Variants in COXFA4L3 observed in about 807,000 individuals in gnomAD.
COXFA4L3 encodes cytochrome c oxidase associated subunit FA4L3.
the COXFA4L3 span, chr15:45,431,051 T>G: frequency 6.2e-7 from 1 of 1,614,054 alleles, no homozygotes; most frequent in African/African-American, 1.3e-5. Context: ...GAGCCTCATC[T>G]TTCGCTGTGT....
the COXFA4L3 span, among the ~76,000 whole-genome samples, chr15:45,432,558 G>A: frequency 5.2e-4 from 79 of 152,182 alleles, no homozygotes; most frequent in Non-Finnish European, 2.1e-4. Flanking sequence ...CCAGCTACTG[G>A]AGAGGCTGAG....
chr15:45,431,297 A>AC, the COXFA4L3 span: 1,013 of 439,124 alleles, frequency 2.3e-3, 2 homozygotes, highest in African/African-American at 0.019. Context: ...AAAAAAGAAA[A>AC]AATTTAAAAA....
At chr15:45,433,162 A>G in the COXFA4L3 span, 3 of 849,024 alleles carry the variant, frequency 3.5e-6, no homozygotes, top group African/African-American at 5.0e-5. Context: ...CTGGATAAGG[A>G]ATTAAAGGAG....
At chr15:45,433,037 C>T in the COXFA4L3 span, 1 of 1,597,972 alleles carries the variant, frequency 6.3e-7, no homozygotes, top group Non-Finnish European at 8.6e-7. Flanking sequence ...CCTCTTTCTT[C>T]TGAAGAGTAC....
At chr15:45,432,597 G>A in the COXFA4L3 span, among the ~76,000 whole-genome samples, 3 of 152,166 alleles carry the variant, frequency 2.0e-5, no homozygotes, top group South Asian at 2.1e-4. Context: ...CATGGGAGGC[G>A]GAGGCTGCAG....
chr15:45,432,060 C>T, the COXFA4L3 span: 1 of 1,611,620 alleles, frequency 6.2e-7, no homozygotes. Flanking sequence ...AATTGGCTTT[C>T]TTTAATTTTA....
At chr15:45,432,517 T>C in the COXFA4L3 span, among the ~76,000 whole-genome samples, 1 of 152,134 alleles carries the variant, frequency 6.6e-6, no homozygotes, top group Non-Finnish European at 1.5e-5. Flanking sequence ...ATACAAAAAT[T>C]AGCTGGGTGT....
the COXFA4L3 span, among the ~76,000 whole-genome samples, chr15:45,432,382 C>T: frequency 2.5e-3 from 378 of 152,332 alleles, no homozygotes; most frequent in African/African-American, 7.5e-3. Flanking sequence ...ATCTGGATAC[C>T]GGCCAGGCAC....
chr15:45,432,955 C>A, the COXFA4L3 span: 2 of 1,608,962 alleles, frequency 1.2e-6, no homozygotes, highest in Admixed American at 1.7e-5. Context: ...CAGCTTATAA[C>A]AATCAACCAA....
chr15:45,430,721 C>A, the COXFA4L3 span: 1 of 1,439,622 alleles, frequency 6.9e-7, no homozygotes, highest in Non-Finnish European at 9.6e-7. Flanking sequence ...GCGCGGTGGA[C>A]GGTTTGGCGC....
chr15:45,433,156 A>G, the COXFA4L3 span: 3 of 896,186 alleles, frequency 3.3e-6, no homozygotes, highest in South Asian at 2.6e-5. Context: ...TGGGCTCTGG[A>G]TAAGGAATTA....
the COXFA4L3 span, chr15:45,430,612 G>A: frequency 1.3e-5 from 8 of 614,682 alleles, no homozygotes; most frequent in Middle Eastern, 4.3e-4. Flanking sequence ...GGCCCGTTCG[G>A]TTCCGGGCGT....
the COXFA4L3 span, chr15:45,432,949 T>TTA: frequency 1.2e-6 from 2 of 1,612,258 alleles, no homozygotes; most frequent in South Asian, 2.2e-5. Flanking sequence ...TCTCTTCAGC[T>TTA]TATAACAATC....
chr15:45,430,678 C>A, the COXFA4L3 span: 3 of 894,246 alleles, frequency 3.4e-6, no homozygotes, highest in Admixed American at 2.6e-5. Flanking sequence ...TCTGCAGAGA[C>A]GCGGACGCGC....
At chr15:45,433,103 C>T in the COXFA4L3 span, 4 of 1,308,256 alleles carry the variant, frequency 3.1e-6, no homozygotes, top group Admixed American at 1.7e-5. Context: ...CACCAGTGTG[C>T]GGAAATGCTT....
At chr15:45,430,826 G>C in the COXFA4L3 span, 5 of 1,610,618 alleles carry the variant, frequency 3.1e-6, no homozygotes, top group East Asian at 1.1e-4. Flanking sequence ...TGATGAAAAG[G>C]AAGGAAGTAA....
chr15:45,432,157 A>G, the COXFA4L3 span: 18 of 1,604,518 alleles, frequency 1.1e-5, no homozygotes, highest in Non-Finnish European at 1.0e-5. Flanking sequence ...AAAACAAATG[A>G]TTTATATTTT....
chr15:45,432,162 T>C, the COXFA4L3 span: 10 of 1,599,402 alleles, frequency 6.3e-6, no homozygotes, highest in Admixed American at 1.7e-4. Context: ...AAATGATTTA[T>C]ATTTTGCCCA....
chr15:45,431,224 T>C, the COXFA4L3 span: 2 of 569,832 alleles, frequency 3.5e-6, no homozygotes, highest in Non-Finnish European at 6.0e-6. Flanking sequence ...TTAAAAAGCA[T>C]CTTTTATCAG....
Sources: gnomAD v4.1 joint callset for allele counts (sites outside exome capture counted in the v4.1 genomes callset) on GRCh38, gnomAD v4.1.1 for gene constraint, MANE v1.5 for transcripts, NCBI Gene and HGNC (gene_info 2026-07-23, HGNC 2026-07-21) for gene names.